AHNAK: variants seen among roughly 807,000 people sequenced by gnomAD.
The protein encoded by AHNAK is AHNAK nucleoprotein, also known as neuroblast differentiation-associated protein AHNAK.
A neutral mutation model predicts 37.8 loss-of-function variants in AHNAK; 23 were observed. The observed-to-expected ratio is 0.61, with a 90% CI of 0.44 to 0.86. AHNAK has a LOEUF of 0.86. Ranked by LOEUF, AHNAK falls within the 40% of genes least tolerant of loss-of-function variation. The probability of loss-of-function intolerance (pLI) is 0.00; values close to 1 mark genes in which losing one functional copy is unlikely to be tolerated. For missense variants in AHNAK, 7,411 were observed against 7,319.4 expected (o/e 1.01, Z -0.46); for synonymous variants, 2,481 against 2,636.3 (o/e 0.94, Z 1.80).
At chr11:62,536,141 G>A (rs1365088498) in intron 2 of AHNAK, 43 bp from the exon 3 acceptor site, 2 of 1,521,122 alleles carry the variant, frequency 1.3e-6, no homozygotes, top group South Asian at 1.3e-5. Flanking sequence ...AGTGGGGGTG[G>A]GAGGACATGA....
chr11:62,457,374 G>A (rs1207996727), intron 5 of AHNAK, among the ~76,000 whole-genome samples: 4 of 151,978 alleles, frequency 2.6e-5, no homozygotes, highest in African/African-American at 9.7e-5. Context: ...CTTGAACCCG[G>A]GAGGCAGAGG....
chr11:62,496,025 G>T (rs1939602685), intron 4 of AHNAK, among the ~76,000 whole-genome samples: 2 of 151,436 alleles, frequency 1.3e-5, no homozygotes, highest in South Asian at 4.2e-4. Context: ...CTCCAGCATG[G>T]GTGACAGAGC....
chr11:62,460,942 T>TC (rs1295329663), intron 5 of AHNAK, among the ~76,000 whole-genome samples: 9 of 149,892 alleles, frequency 6.0e-5, no homozygotes, highest in African/African-American at 2.2e-4. Flanking sequence ...TGCCTCAGCC[T>TC]CCCGAGTAGC....
chr11:62,488,758 T>C (rs1020909641), intron 5 of AHNAK, among the ~76,000 whole-genome samples: 1 of 151,830 alleles, frequency 6.6e-6, no homozygotes. Context: ...TAGATCCTCC[T>C]GGGCCCTACT....
At chr11:62,534,942 G>T in intron 4 of AHNAK, 61 bp downstream of exon 4, 1 of 1,557,138 alleles carries the variant, frequency 6.4e-7, no homozygotes, top group South Asian at 1.2e-5. Context: ...TCAGGAGTGG[G>T]GTCAGCAGGC....
At chr11:62,502,219 T>C (rs747656147) in intron 4 of AHNAK, among the ~76,000 whole-genome samples, 36 of 152,142 alleles carry the variant, frequency 2.4e-4, no homozygotes, top group Non-Finnish European at 4.1e-4. Flanking sequence ...AGGGCAGTCC[T>C]GGGGGCTGGA....
At chr11:62,480,883 G>T (rs1348472945) in intron 5 of AHNAK, among the ~76,000 whole-genome samples, 1 of 148,196 alleles carries the variant, frequency 6.7e-6, no homozygotes, top group African/African-American at 2.5e-5. Flanking sequence ...GTGAAGAAAT[G>T]CTCGTTGCCT....
chr11:62,493,839 G>C (rs1205384780), intron 4 of AHNAK, among the ~76,000 whole-genome samples: 5 of 152,026 alleles, frequency 3.3e-5, no homozygotes, highest in African/African-American at 1.2e-4. Flanking sequence ...CGAGCTTTCA[G>C]GAGGACTGTT....
At chr11:62,446,891 G>A (rs12805216) in intron 5 of AHNAK, among the ~76,000 whole-genome samples, 44,749 of 151,654 alleles carry the variant, frequency 0.3, 8,531 homozygotes, top group East Asian at 0.65. Flanking sequence ...AAACTGAAAA[G>A]ATCTCCCTAT....
chr11:62,520,858 G>A lies in AHNAK; in HGVS notation c.13559C>T (p.Ser4520Phe). Residue 4520 changes from serine (S) to phenylalanine (F), a missense_variant, in exon 5 of 5, where the codon TCC (serine) becomes TTC (phenylalanine). Ser to Phe is a radical substitution (Grantham distance 155, BLOSUM62 -2). Transcript: ENST00000378024. ...CAAATTCAAATCAATGTCACTCATG[G>A]AGATTTGTGGGCTTTTGAAATGTAC... Reference protein sequence around the residue: ...PDVHFKSPQISMSDIDLNLKG... With the variant: ...PDVHFKSPQIFMSDIDLNLKG... 6.2e-7 allele frequency: 1 copy of A among 1,614,118 alleles called. No individual in the cohort carries two copies. The highest frequency in any genetic ancestry group is 8.5e-7 in the Non-Finnish European group (1 of 1,180,036).
rs773819623 is a variant in AHNAK at position 62,531,768 on chromosome 11, G to A, written c.2649C>T (p.Pro883=). ...WHLKMPKMKM[P]KFSMPGFKAE... is the part of the protein sequence containing the mutation. ...CTTTGAAGCCAGGCATGCTGAACTT[G>A]GGCATTTTCATCTTGGGCATCTTCA... The change falls in exon 5 of 5, where the codon CCC becomes CCT. Residue 883 remains proline, a synonymous_variant. Transcript: ENST00000378024. 6.2e-7 allele frequency: 1 copy of A among 1,613,638 alleles called. No individual in the cohort carries two copies. Among genetic ancestry groups the A allele is most frequent in the South Asian group, 1.1e-5 (1 of 91,056 alleles).
intron 5 of AHNAK, among the ~76,000 whole-genome samples, chr11:62,449,755 C>T (rs765592589): frequency 1.3e-5 from 2 of 152,198 alleles, no homozygotes; most frequent in African/African-American, 2.4e-5. Context: ...TGGTTCGTCC[C>T]GGCTCCACTA....
intron 3 of AHNAK, 27 bp downstream of exon 3, chr11:62,535,918 C>G: frequency 1.3e-6 from 2 of 1,596,878 alleles, no homozygotes; most frequent in Non-Finnish European, 8.5e-7. Flanking sequence ...ACCACCAGCA[C>G]CCAGTCCACA....
intron 5 of AHNAK, among the ~76,000 whole-genome samples, chr11:62,438,699 A>C: frequency 6.6e-6 from 1 of 152,038 alleles, no homozygotes; most frequent in South Asian, 2.1e-4. Context: ...TTCTGTGGTT[A>C]GTGCTGTTTG....
chr11:62,485,121 G>T (rs1182250258), intron 5 of AHNAK, among the ~76,000 whole-genome samples: 9 of 152,148 alleles, frequency 5.9e-5, no homozygotes, highest in Admixed American at 4.6e-4. Context: ...TTAATTGGCC[G>T]GGAGCAGTGG....
At position 62,530,282 on chromosome 11, in the gene AHNAK, G is replaced by A; in HGVS notation, c.4135C>T (p.His1379Tyr). The change falls in exon 5 of 5, where the codon CAC (histidine) becomes TAC (tyrosine). Residue 1379 changes from histidine (H) to tyrosine (Y), a missense_variant. His to Tyr is a moderately conservative substitution (Grantham distance 83, BLOSUM62 2). Transcript: ENST00000378024. ...PDVDVHGPDW[H>Y]LKMPKVKMPK... Reference sequence around the variant, plus strand: ...ATTTTCACCTTGGGCATCTTCAGGTGCCAATCTGGGCCATGAACATCCACA... The same window carrying A: ...ATTTTCACCTTGGGCATCTTCAGGTACCAATCTGGGCCATGAACATCCACA... 6.2e-7 allele frequency: 1 copy of A among 1,612,854 alleles called. No individual in the cohort carries two copies.
rs530427612 is a variant in AHNAK at position 62,504,426 on chromosome 11, C to T, written c.343-12595G>A. Among the ~76,000 whole-genome samples, 7 of 152,122 alleles carry T rather than the reference C, an allele frequency of 4.6e-5. No individual in the cohort carries two copies. In the East Asian group the frequency reaches 5.8e-4, roughly 13 times the overall value. On this transcript the variant is annotated intron_variant, in intron 4 of 5. Coordinates refer to the AHNAK transcript ENST00000257247. The stretch of plus-strand genomic sequence containing the variant: ...AATTTTTCTAGGAATTTAGACAATC[C>T]GCACTGGCTGCCTCCACTCTCTCAT...
In AHNAK at chr11:62,529,063, T is replaced by A. The variant is rs77055528; in HGVS notation, c.5354A>T (p.Asp1785Val). 1 of 1,614,152 alleles carries A rather than the reference T, an allele frequency of 6.2e-7. No homozygotes were observed. Among genetic ancestry groups the A allele is most frequent in the South Asian group, 1.1e-5 (1 of 91,082 alleles). The stretch of plus-strand genomic sequence containing the variant: ...GGGTCCCTTCAAATTCAAGTCCACA[T>A]CTGGCATGGAGACCTTGGGAGCTTT... ...NIKAPKVSMP[D>V]VDLNLKGPKL... The change falls in exon 5 of 5, where the codon GAT becomes GTT. Residue 1785 changes from aspartate to valine, a missense_variant. Asp to Val is a radical substitution (Grantham distance 152). Transcript: ENST00000378024.
chr11:62,444,391 G>C (rs2134787421), intron 5 of AHNAK, among the ~76,000 whole-genome samples: 1 of 152,220 alleles, frequency 6.6e-6, no homozygotes, highest in East Asian at 1.9e-4. Context: ...CATCATTCAG[G>C]GCATTGTTCT....
Sources: gnomAD v4.1 joint callset for allele counts (sites outside exome capture counted in the v4.1 genomes callset) on GRCh38, gnomAD v4.1.1 for gene constraint, MANE v1.5 for transcripts, NCBI Gene and HGNC (gene_info 2026-07-23, HGNC 2026-07-21) for gene names.